Variants in DTHD1 observed in about 807,000 individuals in gnomAD.
The protein encoded by DTHD1 is death domain containing 1.
Under a neutral mutation model 74.8 loss-of-function variants are expected in DTHD1, and 59 were observed. The observed-to-expected ratio is 0.79, with a 90% CI of 0.64 to 0.98. The LOEUF is 0.98. DTHD1 is among the 50% of genes least tolerant of loss of function. DTHD1 has a pLI of 0.00. For synonymous variants in DTHD1, 365 were observed against 371.1 expected, an observed-to-expected ratio of 0.98 and a Z score of 0.19; for missense variants, 1,051 against 1,065.4, an observed-to-expected ratio of 0.99 and a Z score of 0.19.
chr4:36,300,941 A>G (rs567238329), intron 5 of DTHD1, among the ~76,000 whole-genome samples: 1 of 152,346 alleles, frequency 6.6e-6, no homozygotes, highest in African/African-American at 2.4e-5. Flanking sequence ...TTTCCTTAAG[A>G]AAATAAGATT....
chr4:36,321,645 C>G (rs1276107104), intron 8 of DTHD1, among the ~76,000 whole-genome samples: 1 of 152,070 alleles, frequency 6.6e-6, no homozygotes, highest in African/African-American at 2.4e-5. Context: ...ATTTAACTTG[C>G]CTGAATCATC....
chr4:36,322,837 C>T lies in DTHD1; in HGVS notation c.2340+6351C>T, dbSNP rs986603543. Among the ~76,000 whole-genome samples the T allele has an allele frequency of 3.9e-4, 59 of 152,174 alleles. 1 individual carries two copies. The highest frequency in any genetic ancestry group is 3.9e-3 in the Admixed American group (59 of 15,280). On this transcript the variant is annotated intron_variant, in intron 8 of 9. Coordinates refer to ENST00000639862, the MANE Select transcript of DTHD1 (RefSeq NM_001170700.3). ...TCAAGTAAATTCAGTTCACACTGCA[C>T]ATAATTGTATTTTGGCAGAAACAAG...
At chr4:36,310,999 G>A (rs1169695740) in intron 7 of DTHD1, among the ~76,000 whole-genome samples, 3 of 152,128 alleles carry the variant, frequency 2.0e-5, no homozygotes, top group South Asian at 2.1e-4. Flanking sequence ...CCACCCAAAC[G>A]AATGATGCAA....
chr4:36,304,576 C>T (rs1756942696), intron 5 of DTHD1, among the ~76,000 whole-genome samples: 1 of 152,194 alleles, frequency 6.6e-6, no homozygotes, highest in African/African-American at 2.4e-5. Context: ...CAAATGAAGA[C>T]ATGAAATTCA....
chr4:36,338,095 A>G (rs1759112011), intron 8 of DTHD1, among the ~76,000 whole-genome samples: 1 of 152,196 alleles, frequency 6.6e-6, no homozygotes, highest in Non-Finnish European at 1.5e-5. Flanking sequence ...CTATTCTATT[A>G]CCACAAAGAT....
chr4:36,283,126 T>C (rs1297638809), intron 1 of DTHD1, among the ~76,000 whole-genome samples: 1 of 152,184 alleles, frequency 6.6e-6, no homozygotes, highest in African/African-American at 2.4e-5. Context: ...TTACCTATTC[T>C]TTAGTTCAGA....
intron 4 of DTHD1, among the ~76,000 whole-genome samples, 167 bp from the exon 5 acceptor site, chr4:36,294,628 A>G (rs1327498130): frequency 6.6e-6 from 1 of 151,966 alleles, no homozygotes; most frequent in Non-Finnish European, 1.5e-5. Flanking sequence ...GTGTTCTTTT[A>G]TATATTATAA....
At chr4:36,294,524 T>A (rs1386383926) in intron 4 of DTHD1, among the ~76,000 whole-genome samples, 2 of 152,062 alleles carry the variant, frequency 1.3e-5, no homozygotes, top group Admixed American at 6.6e-5. Context: ...TAGGTCATTT[T>A]GTTGCCTGCA....
intron 8 of DTHD1, among the ~76,000 whole-genome samples, chr4:36,316,968 G>T (rs1180005635): frequency 6.6e-6 from 1 of 152,070 alleles, no homozygotes; most frequent in Non-Finnish European, 1.5e-5. Flanking sequence ...TTATTTCTTT[G>T]AACATGTCAA....
chr4:36,324,040 T>C (rs1758192519), intron 8 of DTHD1, among the ~76,000 whole-genome samples: 1 of 152,126 alleles, frequency 6.6e-6, no homozygotes, highest in Admixed American at 6.5e-5. Context: ...GAGGGGAAAA[T>C]GAACAAAGCT....
chr4:36,300,369 G>A (rs752298015), intron 5 of DTHD1, among the ~76,000 whole-genome samples: 4 of 152,168 alleles, frequency 2.6e-5, no homozygotes, highest in Non-Finnish European at 4.4e-5. Flanking sequence ...AGGACTGACA[G>A]TGTCATGTTC....
At chr4:36,309,179 T>C (rs1025245817) in intron 7 of DTHD1, among the ~76,000 whole-genome samples, 9 of 152,370 alleles carry the variant, frequency 5.9e-5, no homozygotes, top group Admixed American at 1.3e-4. Flanking sequence ...CTCACGCCTG[T>C]AATCCCAGCA....
At position 36,298,058 on chromosome 4, in the gene DTHD1, T is replaced by C. The variant is rs528886545; in HGVS notation, c.1643+3019T>C. On this transcript the variant is annotated intron_variant, in intron 5 of 9. Coordinates refer to ENST00000639862, the MANE Select transcript of DTHD1 (RefSeq NM_001170700.3). ...AGAATAAGCCACTTTTTTTTTGCCTTTGTACATAATCTGTCTTCTAGAAAA... is the reference window on the plus strand; with the variant it reads ...AGAATAAGCCACTTTTTTTTTGCCTCTGTACATAATCTGTCTTCTAGAAAA... Among the ~76,000 whole-genome samples the C allele has an allele frequency of 2.0e-5, 3 of 152,162 alleles. No homozygotes were observed. In the East Asian group the frequency reaches 5.8e-4, roughly 29 times the overall value.
At chr4:36,328,399 G>A (rs552001898) in intron 8 of DTHD1, among the ~76,000 whole-genome samples, 7 of 152,286 alleles carry the variant, frequency 4.6e-5, no homozygotes, top group African/African-American at 1.2e-4. Flanking sequence ...GAAAGTTCAC[G>A]AAGACAACAG....
intron 8 of DTHD1, among the ~76,000 whole-genome samples, chr4:36,321,863 G>A (rs998143493): frequency 2.6e-5 from 4 of 152,082 alleles, no homozygotes; most frequent in African/African-American, 7.2e-5. Flanking sequence ...TGCTCTACTC[G>A]CCTCCTCACT....
chr4:36,316,350 G>A lies in DTHD1; in HGVS notation c.2204G>A (p.Cys735Tyr), dbSNP rs1361535637. Reference sequence around the variant, plus strand: ...GTGGACGAATTTGGAAACTATAGTTGCCCTCATTACAAAGGCACCATTGTC... The same window carrying A: ...GTGGACGAATTTGGAAACTATAGTTACCCTCATTACAAAGGCACCATTGTC... ...KEVDEFGNYS[C>Y]PHYKGTIVVY... The change falls in exon 8 of 10, where the codon TGC (cysteine) becomes TAC (tyrosine). Residue 735 changes from cysteine to tyrosine, a missense_variant. Cys to Tyr is a radical substitution (Grantham distance 194). Transcript: ENST00000639862. 2 of 1,552,112 alleles carry A rather than the reference G, an allele frequency of 1.3e-6. No individual in the cohort carries two copies. The highest frequency in any genetic ancestry group is 1.2e-5 in the South Asian group (1 of 84,060).
Position 36,281,763 on chromosome 4 carries a change from A to T in DTHD1, c.5A>T (p.Asp2Val). The T allele has an allele frequency of 1.6e-6, 2 of 1,236,274 alleles. No homozygotes were observed. The highest frequency in any genetic ancestry group is 2.0e-6 in the Non-Finnish European group (2 of 988,966). The allele number at this position is 1,236,274 out of a possible 1,614,324, so 76.6% of individuals were successfully genotyped here. M[D>V]MEYMGSGKLG... ...ATACCACTTTTGGATCATAAAATGG[A>T]TATGGAATACATGGGCTCAGGTAAA... is the stretch of plus-strand genomic sequence containing the variant. Residue 2 changes from aspartate (D) to valine (V), a missense_variant, in exon 1 of 10, where the codon GAT (aspartate) becomes GTT (valine). Physicochemically the swap from Asp to Val is radical, Grantham distance 152. Coordinates refer to ENST00000639862, the MANE Select transcript of DTHD1 (RefSeq NM_001170700.3).
At chr4:36,306,006 G>T (rs1444344945) in intron 5 of DTHD1, among the ~76,000 whole-genome samples, 185 bp from the exon 6 acceptor site, 1 of 152,068 alleles carries the variant, frequency 6.6e-6, no homozygotes, top group Non-Finnish European at 1.5e-5. Context: ...GTGTTACTAC[G>T]TGCTTCTTTA....
In DTHD1 at chr4:36,316,474, GA is replaced by G. The variant is rs770710498; in HGVS notation, c.2331del (p.Lys777AsnfsTer8). The G allele has an allele frequency of 8.4e-6, 13 of 1,548,756 alleles. 1 individual carries two copies. The South Asian group carries it at 1.6e-4, about 19-fold the overall frequency. On this transcript the variant is annotated frameshift_variant, in exon 8 of 10. Transcript: ENST00000639862. LOFTEE classifies it high-confidence loss of function. ...SQLPICKLPLKLPKHKKLINR... is the reference protein window; with the variant it reads ...SQLPICKLPLXLPKHKKLINR... ...AGTTGCCAATTTGCAAATTACCATT[GA>G]AATTGCCAAAGGTGAGTTATTTTAC...
Sources: allele counts gnomAD v4.1 joint callset (sites outside exome capture counted in the v4.1 genomes callset), GRCh38; gene constraint gnomAD v4.1.1; transcripts MANE v1.5; gene names NCBI Gene and HGNC (gene_info 2026-07-23, HGNC 2026-07-21).